Variants in CEP112 observed in about 807,000 individuals in gnomAD.
CEP112 encodes centrosomal protein 112.
CEP112 carries 127 observed loss-of-function variants against 153.0 expected under a neutral mutation model. The ratio of observed to expected loss-of-function variants is 0.83; its 90% confidence interval spans 0.72 to 0.96. The LOEUF (loss-of-function observed/expected upper bound fraction) is 0.96, where lower values mean the gene tolerates loss of function less well. CEP112 is among the 40% of genes least tolerant of loss of function. The pLI, the probability that CEP112 is intolerant of heterozygous loss-of-function variation, is 0.00. For missense variants in CEP112, 1,089 were observed against 1,101.2 expected (o/e 0.99, Z 0.16); for synonymous variants, 358 against 374.4 (o/e 0.96, Z 0.51).
chr17:66,105,112 T>A (rs945299845), intron 6 of CEP112, among the ~76,000 whole-genome samples: 3 of 152,102 alleles, frequency 2.0e-5, no homozygotes, highest in Admixed American at 1.3e-4. Flanking sequence ...TGTAATAAGA[T>A]AGAAACAACA....
intron 21 of CEP112, among the ~76,000 whole-genome samples, chr17:65,781,117 G>A (rs1443553098): frequency 6.6e-6 from 1 of 152,036 alleles, no homozygotes; most frequent in Non-Finnish European, 1.5e-5. Flanking sequence ...CTGCTGAAAG[G>A]ACGTTCTTGA....
intron 20 of CEP112, among the ~76,000 whole-genome samples, chr17:65,887,769 C>T (rs542928624): frequency 1.1e-3 from 173 of 152,324 alleles, no homozygotes; most frequent in African/African-American, 4.1e-3. Context: ...GCCCTGCAGC[C>T]TGATCCTGAA....
chr17:65,672,869 TCA>T (rs1308200957), intron 24 of CEP112, among the ~76,000 whole-genome samples: 1 of 152,200 alleles, frequency 6.6e-6, no homozygotes, highest in African/African-American at 2.4e-5. Context: ...GAAATATATC[TCA>T]GTCAATACAT....
At chr17:65,957,138 A>G (rs1361729218) in intron 18 of CEP112, among the ~76,000 whole-genome samples, 1 of 152,210 alleles carries the variant, frequency 6.6e-6, no homozygotes, top group Non-Finnish European at 1.5e-5. Context: ...ACTGTGGTTG[A>G]TGGAAGGTAA....
intron 23 of CEP112, among the ~76,000 whole-genome samples, chr17:65,727,458 G>A (rs76741158): frequency 0.021 from 3,137 of 152,214 alleles, 55 homozygotes; most frequent in South Asian, 0.07. Context: ...CAGGGATATC[G>A]GCTGAGAGGA....
intron 23 of CEP112, among the ~76,000 whole-genome samples, chr17:65,728,587 T>C (rs905522015): frequency 6.6e-6 from 1 of 152,164 alleles, no homozygotes; most frequent in Admixed American, 6.5e-5. Flanking sequence ...TGTATTCAAG[T>C]ACATTTCCTG....
intron 16 of CEP112, among the ~76,000 whole-genome samples, chr17:66,009,578 G>C (rs1174204432): frequency 2.0e-5 from 3 of 152,008 alleles, no homozygotes; most frequent in Non-Finnish European, 4.4e-5. Context: ...TAAACTTTCA[G>C]GATTTCTACA....
chr17:65,647,173 GTTT>G (rs771331024), intron 24 of CEP112, among the ~76,000 whole-genome samples: 3 of 126,604 alleles, frequency 2.4e-5, no homozygotes. Flanking sequence ...CTTGATTCTT[GTTT>G]TTTTTTTTTT....
intron 8 of CEP112, among the ~76,000 whole-genome samples, chr17:66,079,338 G>C (rs557854674): frequency 6.6e-6 from 1 of 151,972 alleles, no homozygotes; most frequent in South Asian, 2.1e-4. Context: ...ATTTGTAAAG[G>C]CAAAAAATTA....
At chr17:65,666,425 G>C (rs2046695065) in intron 24 of CEP112, among the ~76,000 whole-genome samples, 1 of 152,184 alleles carries the variant, frequency 6.6e-6, no homozygotes, top group Admixed American at 6.5e-5. Context: ...GCTGATGACT[G>C]ACCCTGGTGT....
chr17:66,062,240 T>A (rs2066950662), intron 11 of CEP112, among the ~76,000 whole-genome samples: 2 of 152,094 alleles, frequency 1.3e-5, no homozygotes. Context: ...GACACTAATA[T>A]AGGAGAAATA....
rs59802008 is a variant in CEP112 at position 66,188,286 on chromosome 17, AACACACACAC to A, written c.-9+3701_-9+3710del. ...GCCTGTCTCTCACACCACACACACA[AACACACACAC>A]ACACACACACACACACACACACACA... On this transcript the variant is annotated intron_variant, in intron 1 of 26. Coordinates refer to ENST00000535342, the MANE Select transcript of CEP112 (RefSeq NM_001199165.4). Among the ~76,000 whole-genome samples the A allele has an allele frequency of 3.5e-3, 387 of 109,500 alleles. 2 individuals are homozygous for A. The highest frequency in any genetic ancestry group is 9.3e-3 in the African/African-American group (300 of 32,288). 71.8% of individuals were successfully genotyped at this position (109,500 alleles called of 152,430 possible).
At chr17:65,766,174 A>AT (rs1413337928) in intron 21 of CEP112, among the ~76,000 whole-genome samples, 1 of 140,516 alleles carries the variant, frequency 7.1e-6, no homozygotes, top group Non-Finnish European at 1.6e-5. Context: ...CCGAACAGAA[A>AT]TCTTGGACCT....
Position 65,970,819 on chromosome 17 carries a change from T to A in CEP112, c.1737-9221A>T, listed in dbSNP as rs964948873. ...ATTGCACATGTGTATGGCGCATGTA[T>A]ATTGCATGCATGCACATTACATGCA... On this transcript the variant is annotated intron_variant, in intron 17 of 26. Transcript: ENST00000535342. Among the ~76,000 whole-genome samples, 13 of 152,340 alleles carry A rather than the reference T, an allele frequency of 8.5e-5. 2 individuals carry two copies. In the South Asian group the frequency reaches 2.7e-3, roughly 32 times the overall value.
chr17:65,930,860 T>A (rs1294716489), intron 18 of CEP112, among the ~76,000 whole-genome samples: 1 of 152,212 alleles, frequency 6.6e-6, no homozygotes, highest in African/African-American at 2.4e-5. Context: ...TTTTCATTTT[T>A]TTTTTTCATC....
intron 17 of CEP112, among the ~76,000 whole-genome samples, chr17:66,001,238 T>A (rs1394421208): frequency 6.6e-6 from 1 of 152,198 alleles, no homozygotes; most frequent in Non-Finnish European, 1.5e-5. Flanking sequence ...CATATGATGG[T>A]TGACCACATG....
intron 17 of CEP112, among the ~76,000 whole-genome samples, chr17:65,961,861 T>C (rs909510515): frequency 2.0e-5 from 3 of 152,248 alleles, no homozygotes; most frequent in South Asian, 2.1e-4. Context: ...ACCATGTGTC[T>C]CCATCAAGTG....
chr17:65,945,555 G>A (rs73349089), intron 18 of CEP112, among the ~76,000 whole-genome samples: 9,844 of 152,122 alleles, frequency 0.065, 463 homozygotes, highest in African/African-American at 0.12. Context: ...TTTATTTTCT[G>A]TTTCATTTAA....
chr17:65,811,845 C>G (rs1384978866), intron 21 of CEP112, among the ~76,000 whole-genome samples: 3 of 152,078 alleles, frequency 2.0e-5, no homozygotes, highest in African/African-American at 7.2e-5. Context: ...CCTGGCTTTT[C>G]TGTAATAACA....
Sources: gnomAD v4.1 joint callset for allele counts (sites outside exome capture counted in the v4.1 genomes callset) on GRCh38, gnomAD v4.1.1 for gene constraint, MANE v1.5 for transcripts, NCBI Gene and HGNC (gene_info 2026-07-23, HGNC 2026-07-21) for gene names.